Variants in GRIK2 observed in about 807,000 individuals in gnomAD.
The protein encoded by GRIK2 is glutamate ionotropic receptor kainate type subunit 2.
In GRIK2, 32 loss-of-function variants were observed where a neutral mutation model predicts 100.3. The ratio of observed to expected loss-of-function variants is 0.32; its 90% confidence interval spans 0.24 to 0.43. The LOEUF (loss-of-function observed/expected upper bound fraction) is 0.43, where lower values mean the gene tolerates loss of function less well. GRIK2 is among the 20% of genes least tolerant of loss of function. The pLI is 1.00. For synonymous variants in GRIK2, 417 were observed against 389.4 expected (o/e 1.07, Z -0.83); for missense variants, 843 against 1,114.9 (o/e 0.76, Z 3.47).
Position 101,802,378 on chromosome 6 carries a change from T to C in GRIK2, c.1143T>C (p.Asn381=), listed in dbSNP as rs760180044. Residue 381 remains asparagine (N), a synonymous_variant, in exon 9 of 17, where the codon AAT becomes AAC. Transcript: ENST00000369134. ...GCAGAATAACTTTCAACAAAACCAA[T>C]GGCTTGAGAACAGATTTTGATTTGG... is the stretch of plus-strand genomic sequence containing the variant. ...LTGRITFNKT[N]GLRTDFDLDV... 5.0e-6 allele frequency: 8 copies of C among 1,593,640 alleles called. No individual in the cohort carries two copies. The Admixed American group carries it at 7.0e-5, about 14-fold the overall frequency.
chr6:101,675,184 C>T (rs1357499544), intron 4 of GRIK2, among the ~76,000 whole-genome samples: 1 of 151,910 alleles, frequency 6.6e-6, no homozygotes, highest in African/African-American at 2.4e-5. Context: ...CTTCCCTCTA[C>T]CCTCCATTTA....
At chr6:101,670,515 C>T (rs1222196789) in intron 4 of GRIK2, among the ~76,000 whole-genome samples, 1 of 152,048 alleles carries the variant, frequency 6.6e-6, no homozygotes, top group East Asian at 1.9e-4. Flanking sequence ...AAATACTTGG[C>T]AGTGTTTATC....
intron 2 of GRIK2, chr6:101,620,138 A>G (rs968731978): frequency 6.4e-6 from 2 of 313,324 alleles, no homozygotes; most frequent in East Asian, 3.4e-4. Context: ...GCCCAAAATT[A>G]TACAGATAGC....
chr6:101,712,698 C>T (rs1773801024), intron 7 of GRIK2, among the ~76,000 whole-genome samples: 1 of 151,696 alleles, frequency 6.6e-6, no homozygotes, highest in African/African-American at 2.4e-5. Flanking sequence ...CTTTTATCAC[C>T]ATTGAGGGAT....
intron 2 of GRIK2, among the ~76,000 whole-genome samples, chr6:101,456,342 T>C (rs568302251): frequency 6.6e-6 from 1 of 152,206 alleles, no homozygotes; most frequent in African/African-American, 2.4e-5. Context: ...AGGAATATTT[T>C]CCTTGGGATG....
chr6:101,795,908 A>G (rs1249824887), intron 7 of GRIK2, among the ~76,000 whole-genome samples: 1 of 152,174 alleles, frequency 6.6e-6, no homozygotes, highest in Non-Finnish European at 1.5e-5. Context: ...ACAAATATGC[A>G]TTTACCAGTT....
In GRIK2 at chr6:101,924,640, C is replaced by T. The variant is rs759061308; in HGVS notation, c.1788C>T (p.Asn596=). Reference sequence around the variant, plus strand: ...AGTGGTATAATCCACACCCTTGCAACCCTGACTCAGACGTGGTGGAAAACA... The same window carrying T: ...AGTGGTATAATCCACACCCTTGCAATCCTGACTCAGACGTGGTGGAAAACA... ...PYEWYNPHPC[N]PDSDVVENNF... is the part of the protein sequence containing the mutation. The change falls in exon 13 of 17, where the codon AAC becomes AAT. Residue 596 remains asparagine (N), a synonymous_variant. Transcript: ENST00000369134. 1.2e-5 allele frequency: 20 copies of T among 1,610,534 alleles called. No homozygotes were observed. The East Asian group carries it at 2.7e-4, about 22-fold the overall frequency.
At chr6:101,397,537 CA>C (rs1775059883) in intron 1 of GRIK2, among the ~76,000 whole-genome samples, 1 of 152,102 alleles carries the variant, frequency 6.6e-6, no homozygotes, top group Admixed American at 6.6e-5. Context: ...TTATTGCCTC[CA>C]TCTTAAAAAA....
At chr6:101,989,121 T>G (rs760933238) in intron 14 of GRIK2, among the ~76,000 whole-genome samples, 3 of 152,050 alleles carry the variant, frequency 2.0e-5, no homozygotes, top group Non-Finnish European at 2.9e-5. Flanking sequence ...CATCTTAACA[T>G]CTATAGAATC....
rs573762211 is a variant in GRIK2, at chr6:101,706,669, T to G, written c.951+20316T>G. Among the ~76,000 whole-genome samples, 3 of 152,016 alleles carry G rather than the reference T, an allele frequency of 2.0e-5. No homozygotes were observed. In the South Asian group the frequency reaches 6.2e-4, roughly 32 times the overall value. ...AGGAGAGAGGGAAGACAGGATTGGA[T>G]AGAAAAAGTCTCAGACAACTATGCC... On this transcript the variant is annotated intron_variant, in intron 7 of 16. Transcript: ENST00000369134.
intron 2 of GRIK2, among the ~76,000 whole-genome samples, chr6:101,608,784 G>GGTGTGT (rs71689029): frequency 4.9e-4 from 69 of 142,044 alleles, no homozygotes; most frequent in African/African-American, 1.9e-3. Flanking sequence ...CTCATAGAGG[G>GGTGTGT]GTGTGTGTGT....
chr6:101,839,139 C>T (rs1451738717), intron 10 of GRIK2, among the ~76,000 whole-genome samples: 1 of 152,014 alleles, frequency 6.6e-6, no homozygotes, highest in East Asian at 1.9e-4. Context: ...AATTTTGTGC[C>T]TACAAACTTT....
chr6:101,863,383 T>C (rs1784847201), intron 11 of GRIK2, among the ~76,000 whole-genome samples: 1 of 152,180 alleles, frequency 6.6e-6, no homozygotes, highest in South Asian at 2.1e-4. Flanking sequence ...TTGTCAACTG[T>C]TTAATGTCCA....
At chr6:101,714,204 A>G (rs891861409) in intron 7 of GRIK2, among the ~76,000 whole-genome samples, 2 of 151,656 alleles carry the variant, frequency 1.3e-5, no homozygotes, top group African/African-American at 4.8e-5. Context: ...TTTTTTTGTC[A>G]GGAGAACCAA....
chr6:101,799,551 AT>A, intron 7 of GRIK2, 96 bp from the exon 8 acceptor site: 1 of 871,364 alleles, frequency 1.1e-6, no homozygotes. Flanking sequence ...TGGGATATAT[AT>A]TTCCCTTACC....
intron 5 of GRIK2, among the ~76,000 whole-genome samples, chr6:101,681,663 T>A (rs1373643900): frequency 6.6e-6 from 1 of 152,168 alleles, no homozygotes; most frequent in East Asian, 1.9e-4. Context: ...TTCCTTCTAT[T>A]TTTTAACCCA....
chr6:101,837,671 A>G (rs1399841455), intron 10 of GRIK2, among the ~76,000 whole-genome samples: 1 of 152,180 alleles, frequency 6.6e-6, no homozygotes, highest in Non-Finnish European at 1.5e-5. Context: ...AGCCACTTCA[A>G]TTCAATTACT....
At chr6:101,987,596 A>T (rs1340272135) in intron 14 of GRIK2, among the ~76,000 whole-genome samples, 1 of 150,920 alleles carries the variant, frequency 6.6e-6, no homozygotes, top group African/African-American at 2.4e-5. Context: ...AAACACTATT[A>T]GCTTCCTGTA....
intron 4 of GRIK2, among the ~76,000 whole-genome samples, chr6:101,642,241 A>G (rs961229048): frequency 6.6e-6 from 1 of 151,886 alleles, no homozygotes; most frequent in Non-Finnish European, 1.5e-5. Context: ...AAAATTTGTA[A>G]TTGTGGTAAA....
Sources: gnomAD v4.1 joint callset for allele counts (sites outside exome capture counted in the v4.1 genomes callset) on GRCh38, gnomAD v4.1.1 for gene constraint, MANE v1.5 for transcripts, NCBI Gene and HGNC (gene_info 2026-07-23, HGNC 2026-07-21) for gene names.